GREB1: variants seen among roughly 807,000 people sequenced by gnomAD.
The protein encoded by GREB1 is protein GREB1.
A neutral mutation model predicts 200.7 loss-of-function variants in GREB1; 106 were observed. That is an observed-to-expected ratio of 0.53 (90% confidence interval 0.45 to 0.62). The LOEUF (loss-of-function observed/expected upper bound fraction) is 0.62. Ranked by LOEUF, GREB1 falls within the 20% of genes least tolerant of loss-of-function variation. The pLI, the probability that GREB1 is intolerant of heterozygous loss-of-function variation, is 0.00. For synonymous variants in GREB1, 1,132 were observed against 1,092.4 expected, an observed-to-expected ratio of 1.04 and a Z score of -0.72; for missense variants, 2,243 against 2,556.8, an observed-to-expected ratio of 0.88 and a Z score of 2.65.
upstream of GREB1, among the ~76,000 whole-genome samples, chr2:11,531,545 A>G (rs570251395): frequency 6.6e-6 from 1 of 152,232 alleles, no homozygotes; most frequent in East Asian, 1.9e-4. Flanking sequence ...CTTTTATTTT[A>G]TTTTTAAACA....
Position 11,548,344 on chromosome 2 carries a change from A to ACATG in GREB1, c.-161-8110_-161-8109insCATG, listed in dbSNP as rs1396724245. On this transcript the variant is annotated intron_variant, in intron 1 of 32. Coordinates refer to ENST00000381486, the MANE Select transcript of GREB1 (RefSeq NM_014668.4). The surrounding 1 kb of genome is among the most constrained non-coding windows in gnomAD (Gnocchi z 5.1). ...CGCACACACCCAGACACGTGCACAC[A>ACATG]TGCATATACCCCAACACAGATGCAC... is the stretch of plus-strand genomic sequence containing the variant. Among the ~76,000 whole-genome samples the ACATG allele has an allele frequency of 6.9e-6, 1 of 145,138 alleles. No individual in the cohort carries two copies. Among genetic ancestry groups the ACATG allele is most frequent in the African/African-American group, 2.9e-5 (1 of 34,908 alleles).
At chr2:11,557,713 T>C (rs1676569842) in intron 2 of GREB1, among the ~76,000 whole-genome samples, 1 of 152,204 alleles carries the variant, frequency 6.6e-6, no homozygotes, top group African/African-American at 2.4e-5. Context: ...GTTTAAAACA[T>C]CCTTACTAAA....
intron 1 of GREB1, among the ~76,000 whole-genome samples, chr2:11,554,109 G>A (rs1444245943): frequency 1.7e-4 from 26 of 152,092 alleles, no homozygotes; most frequent in Admixed American, 1.3e-4. Context: ...GCCACAGATC[G>A]AGAAAAAAGG....
intron 19 of GREB1, among the ~76,000 whole-genome samples, chr2:11,613,674 A>G (rs1251028922): frequency 1.3e-5 from 2 of 151,826 alleles, no homozygotes; most frequent in South Asian, 2.1e-4. Context: ...TTCTTCTTCA[A>G]CTCCTTAAGG....
At chr2:11,634,470 G>A (rs1433713344) in intron 29 of GREB1, 121 bp downstream of exon 29, 42 of 680,048 alleles carry the variant, frequency 6.2e-5, no homozygotes, top group Non-Finnish European at 9.4e-5. Flanking sequence ...CTTGCTCTCC[G>A]TTGTCCCAGT....
At chr2:11,552,236 G>A (rs946753946) in intron 1 of GREB1, among the ~76,000 whole-genome samples, 1 of 152,218 alleles carries the variant, frequency 6.6e-6, no homozygotes, top group Non-Finnish European at 1.5e-5. Context: ...TCACACACCA[G>A]CCTGGAGAGA....
At chr2:11,570,522 A>C (rs1026714580) in intron 4 of GREB1, among the ~76,000 whole-genome samples, 2 of 151,626 alleles carry the variant, frequency 1.3e-5, no homozygotes, top group Admixed American at 1.3e-4. Flanking sequence ...GTTATCTTAT[A>C]CTTTTTTTTT....
intron 9 of GREB1, among the ~76,000 whole-genome samples, chr2:11,587,138 C>T (rs13420559): frequency 0.026 from 3,942 of 152,204 alleles, 168 homozygotes; most frequent in African/African-American, 0.089. Context: ...CTGCTCCCTC[C>T]GCTGCCTCTC....
intron 2 of GREB1, among the ~76,000 whole-genome samples, chr2:11,558,852 G>C (rs953966298): frequency 6.6e-6 from 1 of 152,066 alleles, no homozygotes; most frequent in African/African-American, 2.4e-5. Context: ...CCCTTGATCT[G>C]TTAACATTTT....
intron 30 of GREB1, among the ~76,000 whole-genome samples, chr2:11,636,660 C>T (rs748979127): frequency 6.6e-6 from 1 of 152,062 alleles, no homozygotes; most frequent in Admixed American, 6.6e-5. Context: ...TGTGGGAGTC[C>T]CCAGGGAAGT....
At chr2:11,541,796 C>T (rs1383463430) in intron 1 of GREB1, among the ~76,000 whole-genome samples, 1 of 152,186 alleles carries the variant, frequency 6.6e-6, no homozygotes, top group Non-Finnish European at 1.5e-5. Context: ...GCCCTCCTAC[C>T]CCCTGTCCCT....
intron 1 of GREB1, among the ~76,000 whole-genome samples, chr2:11,509,914 A>G (rs1314706127): frequency 1.3e-5 from 2 of 152,204 alleles, no homozygotes; most frequent in Non-Finnish European, 2.9e-5. Flanking sequence ...AGCAGCTCCA[A>G]TGGGCTAAGA....
intron 7 of GREB1, among the ~76,000 whole-genome samples, chr2:11,583,895 G>A (rs1192020879): frequency 6.6e-6 from 1 of 152,042 alleles, no homozygotes; most frequent in East Asian, 1.9e-4. Flanking sequence ...TACAAAGGAT[G>A]GTGTTTTTTT....
intron 2 of GREB1, among the ~76,000 whole-genome samples, chr2:11,558,248 G>A (rs550419264): frequency 2.8e-4 from 43 of 152,290 alleles, no homozygotes; most frequent in African/African-American, 1.0e-3. Flanking sequence ...GCTGCCCACA[G>A]CGGGAGAGAG....
At chr2:11,539,148 G>A (rs1330453408) in intron 1 of GREB1, among the ~76,000 whole-genome samples, 1 of 151,424 alleles carries the variant, frequency 6.6e-6, no homozygotes, top group African/African-American at 2.4e-5. Flanking sequence ...TGCCTCCTGG[G>A]CTCAAGCGAT....
intron 32 of GREB1, among the ~76,000 whole-genome samples, chr2:11,639,029 C>A (rs1685608189): frequency 6.6e-6 from 1 of 152,188 alleles, no homozygotes; most frequent in South Asian, 2.1e-4. Flanking sequence ...AGAGGCAAGA[C>A]ACATCCCCCT....
chr2:11,500,117 G>T (rs907585461), intron 1 of GREB1, among the ~76,000 whole-genome samples: 1 of 152,030 alleles, frequency 6.6e-6, no homozygotes, highest in African/African-American at 2.4e-5. Context: ...GAGTAGCTGG[G>T]ATTACAGGCA....
At chr2:11,567,811 T>C (rs1476860161) in intron 4 of GREB1, among the ~76,000 whole-genome samples, 1 of 152,190 alleles carries the variant, frequency 6.6e-6, no homozygotes, top group Non-Finnish European at 1.5e-5. Context: ...TAGGGACACC[T>C]GAGGTGTGGA....
chr2:11,539,818 G>GGTT (rs927932646), intron 1 of GREB1: 1 of 52,282 alleles, frequency 1.9e-5, no homozygotes, highest in African/African-American at 5.7e-5. Flanking sequence ...TTTTTTTTTT[G>GGTT]GTTGTTGTTG....
Sources: allele counts gnomAD v4.1 joint callset (sites outside exome capture counted in the v4.1 genomes callset), GRCh38; gene constraint gnomAD v4.1.1; non-coding constraint Gnocchi (gnomAD v3.1); transcripts MANE v1.5; gene names NCBI Gene and HGNC (gene_info 2026-07-23, HGNC 2026-07-21).